ATRNL1: variants seen among roughly 807,000 people sequenced by gnomAD.
ATRNL1 encodes attractin-like protein 1.
Under a neutral mutation model 182.7 loss-of-function variants are expected in ATRNL1, and 95 were observed. The observed-to-expected ratio is 0.52, with a 90% CI of 0.44 to 0.62. The LOEUF (loss-of-function observed/expected upper bound fraction) is 0.62, where lower values mean the gene tolerates loss of function less well. Among genes scored for constraint, ATRNL1 ranks in the 20% least tolerant of loss-of-function variants. The pLI, the probability that ATRNL1 is intolerant of heterozygous loss-of-function variation, is 0.00. For synonymous variants in ATRNL1, 576 were observed against 568.3 expected, an observed-to-expected ratio of 1.01 and a Z score of -0.19; for missense variants, 1,471 against 1,679.5, an observed-to-expected ratio of 0.88 and a Z score of 2.17.
At chr10:115,214,136 G>A (rs1402120475) in intron 8 of ATRNL1, among the ~76,000 whole-genome samples, 1 of 151,590 alleles carries the variant, frequency 6.6e-6, no homozygotes, top group Non-Finnish European at 1.5e-5. Context: ...ATTCAGAACT[G>A]TAGTTTGAAA....
At chr10:115,279,407 CTTGT>C (rs1242560802) in intron 13 of ATRNL1, among the ~76,000 whole-genome samples, 1 of 152,034 alleles carries the variant, frequency 6.6e-6, no homozygotes, top group Non-Finnish European at 1.5e-5. Context: ...AATCAATTAT[CTTGT>C]TTGTTGATTT....
At chr10:115,917,275 G>A (rs1208500034) in intron 28 of ATRNL1, among the ~76,000 whole-genome samples, 1 of 151,926 alleles carries the variant, frequency 6.6e-6, no homozygotes, top group Non-Finnish European at 1.5e-5. Flanking sequence ...GACCATCCTG[G>A]CTAACACAGT....
chr10:115,471,837 G>A (rs1437492975), intron 24 of ATRNL1, among the ~76,000 whole-genome samples: 1 of 150,798 alleles, frequency 6.6e-6, no homozygotes, highest in Non-Finnish European at 1.5e-5. Context: ...GTGCCAGGAA[G>A]CTTTTTTTAG....
intron 28 of ATRNL1, among the ~76,000 whole-genome samples, chr10:115,890,764 A>C (rs1014140237): frequency 6.6e-6 from 1 of 152,176 alleles, no homozygotes; most frequent in Non-Finnish European, 1.5e-5. Context: ...ATATTTTATC[A>C]GCTTAATGGT....
At chr10:115,569,215 GTTTCT>G (rs1226907748) in intron 26 of ATRNL1, among the ~76,000 whole-genome samples, 1 of 151,914 alleles carries the variant, frequency 6.6e-6, no homozygotes, top group African/African-American at 2.4e-5. Flanking sequence ...AACCTCTTTT[GTTTCT>G]TTTATTATAA....
chr10:115,290,303 G>A (rs1852832733), intron 15 of ATRNL1, among the ~76,000 whole-genome samples: 1 of 152,048 alleles, frequency 6.6e-6, no homozygotes, highest in South Asian at 2.1e-4. Context: ...GGTAATACCC[G>A]AGGTTCTTTG....
At chr10:115,138,461 C>T (rs567112991) in intron 5 of ATRNL1, among the ~76,000 whole-genome samples, 8 of 152,306 alleles carry the variant, frequency 5.3e-5, no homozygotes, top group African/African-American at 9.6e-5. Context: ...ATACATCCTC[C>T]GAAATCTAGG....
At chr10:115,477,818 T>G (rs1217975621) in intron 24 of ATRNL1, among the ~76,000 whole-genome samples, 2 of 151,704 alleles carry the variant, frequency 1.3e-5, no homozygotes, top group Admixed American at 1.3e-4. Flanking sequence ...AATGTAATTG[T>G]TATTAAAGAA....
At chr10:115,552,662 C>T (rs1420548691) in intron 26 of ATRNL1, among the ~76,000 whole-genome samples, 4 of 151,166 alleles carry the variant, frequency 2.6e-5, no homozygotes, top group Admixed American at 6.6e-5. Flanking sequence ...ATTTTAAATT[C>T]AGAGGATAGT....
chr10:115,486,886 C>T (rs938470750), intron 24 of ATRNL1, among the ~76,000 whole-genome samples: 21 of 152,234 alleles, frequency 1.4e-4, no homozygotes, highest in Admixed American at 1.0e-3. Context: ...ACATTTAAGT[C>T]TTTAATCTAC....
intron 26 of ATRNL1, among the ~76,000 whole-genome samples, chr10:115,568,432 G>A (rs528353297): frequency 6.6e-6 from 1 of 152,028 alleles, no homozygotes; most frequent in South Asian, 2.1e-4. Flanking sequence ...CTTTATTAAA[G>A]ATTTTAAAGC....
Position 115,469,147 on chromosome 10 carries a change from ATTAT to A in ATRNL1, c.3497-21_3497-18del, listed in dbSNP as rs1848192798. 5 of 923,482 alleles carry A rather than the reference ATTAT, an allele frequency of 5.4e-6. No individual in the cohort carries two copies. The East Asian group carries it at 1.6e-4, about 30-fold the overall frequency. 57.2% of individuals were successfully genotyped at this position (923,482 alleles called of 1,614,324 possible). On this transcript the variant is annotated intron_variant, in intron 23 of 28. Coordinates refer to ENST00000355044, the MANE Select transcript of ATRNL1 (RefSeq NM_207303.4). ...TTCATAAAGATATTTCCTAATATTA[ATTAT>A]TTAAATTATTTACATTTTAGCTGGA... is the stretch of plus-strand genomic sequence containing the variant.
chr10:115,519,419 T>G, intron 25 of ATRNL1, 95 bp downstream of exon 25: 1 of 1,016,514 alleles, frequency 9.8e-7, no homozygotes, highest in African/African-American at 1.6e-5. Flanking sequence ...TTCTAAAACC[T>G]TAAAGTATCA....
At chr10:115,464,988 G>T (rs1207747289) in intron 22 of ATRNL1, among the ~76,000 whole-genome samples, 1 of 151,614 alleles carries the variant, frequency 6.6e-6, no homozygotes, top group Non-Finnish European at 1.5e-5. Context: ...ACTATGGGCT[G>T]AAACCAAAGT....
rs191929874 is a variant in ATRNL1 at position 115,744,037 on chromosome 10, A to T, written c.3903+16682A>T. 4.5e-4 allele frequency among the ~76,000 whole-genome samples: 68 copies of T among 152,192 alleles called. 1 individual carries two copies. The highest frequency in any genetic ancestry group is 7.5e-4 in the Non-Finnish European group (51 of 67,962). ...AAATATTGAGTATTAATGAACTTAC[A>T]TAAATTTTTTGCTTATAACTTCCTG... is the stretch of plus-strand genomic sequence containing the variant. On this transcript the variant is annotated intron_variant, in intron 27 of 28. Coordinates refer to ENST00000355044, the MANE Select transcript of ATRNL1 (RefSeq NM_207303.4).
intron 25 of ATRNL1, among the ~76,000 whole-genome samples, chr10:115,522,154 A>G (rs114598723): frequency 4.7e-4 from 72 of 152,330 alleles, no homozygotes; most frequent in African/African-American, 1.7e-3. Context: ...CATCTTAAGT[A>G]GGTCACTATT....
chr10:115,301,912 G>T lies in ATRNL1; in HGVS notation c.2687G>T (p.Cys896Phe). The T allele has an allele frequency of 1.2e-6, 2 of 1,613,962 alleles. No individual in the cohort carries two copies. The highest frequency in any genetic ancestry group is 1.3e-5 in the African/African-American group (1 of 75,038). ...CKKPCSLRTS[C>F]SNCTSNGMEC... ...AAGCCATGCTCTCTGAGGACATCAT[G>T]TTCCAACTGTACAAGCAATGGCATG... Residue 896 changes from cysteine (C) to phenylalanine (F), a missense_variant, in exon 17 of 29, where the codon TGT (cysteine) becomes TTT (phenylalanine). By Grantham distance (205) the Cys-to-Phe change is radical. Around this residue, in one of 3 missense-constraint regions of ATRNL1, gnomAD observed 1,031 missense variants for 1,156.0 expected, o/e 0.89. Transcript: ENST00000355044.
At chr10:115,180,051 T>C (rs1264763) in intron 8 of ATRNL1, among the ~76,000 whole-genome samples, 54,513 of 151,852 alleles carry the variant, frequency 0.36, 10,315 homozygotes, top group African/African-American at 0.47. Context: ...ATGCTATCAA[T>C]GTAGAAGTAA....
chr10:115,135,931 C>G (rs1348789120), intron 5 of ATRNL1, among the ~76,000 whole-genome samples: 1 of 79,924 alleles, frequency 1.3e-5, no homozygotes, highest in South Asian at 3.6e-4. Context: ...ATGATCGCAG[C>G]TCTTGCAGCG....
Sources: gnomAD v4.1 joint callset for allele counts (sites outside exome capture counted in the v4.1 genomes callset) on GRCh38, gnomAD v4.1.1 for gene constraint, gnomAD v4.1.1 regional missense constraint, MANE v1.5 for transcripts, NCBI Gene and HGNC (gene_info 2026-07-23, HGNC 2026-07-21) for gene names.